FBXO21: variants seen among roughly 807,000 people sequenced by gnomAD.
FBXO21 encodes the protein F-box only protein 21.
In FBXO21, 32 loss-of-function variants were observed where a neutral mutation model predicts 76.6. The observed-to-expected ratio is 0.42, with a 90% CI of 0.32 to 0.56. FBXO21 has a LOEUF of 0.56. Among genes scored for constraint, FBXO21 ranks in the 20% least tolerant of loss-of-function variants. FBXO21 has a pLI of 0.16. For missense variants in FBXO21, 586 were observed against 797.3 expected (o/e 0.73, Z 3.19); for synonymous variants, 328 against 311.5 (o/e 1.05, Z -0.56).
At chr12:117,185,757 A>G (rs970891959) in intron 3 of FBXO21, among the ~76,000 whole-genome samples, 1 of 152,244 alleles carries the variant, frequency 6.6e-6, no homozygotes, top group Admixed American at 6.5e-5. Flanking sequence ...CATCCATTAA[A>G]TTAAGACATG....
At chr12:117,159,263 T>A (rs1208204689) in intron 9 of FBXO21, among the ~76,000 whole-genome samples, 1 of 152,038 alleles carries the variant, frequency 6.6e-6, no homozygotes, top group Non-Finnish European at 1.5e-5. Flanking sequence ...ATCCTTCCCA[T>A]TTGAAGGTCA....
At chr12:117,153,863 A>G (rs533447301) in intron 11 of FBXO21, among the ~76,000 whole-genome samples, 2 of 152,334 alleles carry the variant, frequency 1.3e-5, no homozygotes, top group East Asian at 3.9e-4. Context: ...GCAGATATTA[A>G]TTTTTTCAGT....
At chr12:117,181,953 G>A (rs1956238841) in intron 3 of FBXO21, among the ~76,000 whole-genome samples, 1 of 152,094 alleles carries the variant, frequency 6.6e-6, no homozygotes, top group Non-Finnish European at 1.5e-5. Flanking sequence ...GCCTGGCCCA[G>A]TGTATGCCCT....
chr12:117,182,361 A>G (rs143014896), intron 3 of FBXO21, among the ~76,000 whole-genome samples: 6 of 152,172 alleles, frequency 3.9e-5, no homozygotes, highest in Admixed American at 1.3e-4. Context: ...ATGATGGTAC[A>G]TGCCTGTATT....
rs1192066686 is a variant in FBXO21 at position 117,190,226 on chromosome 12, G to A, written c.231C>T (p.Phe77=). The change falls in exon 1 of 12, where the codon TTC becomes TTT. Residue 77 remains phenylalanine, a synonymous_variant. Transcript: ENST00000622495. ...QSSGKVWKEQ[F]RVRWPSLMKH... ...CGGGGCCGCTGGCTCACCTCACCCGGAACTGCTCCTTCCACACCTTCCCGC... is the reference window on the plus strand; with the variant it reads ...CGGGGCCGCTGGCTCACCTCACCCGAAACTGCTCCTTCCACACCTTCCCGC... 6.6e-7 allele frequency: 1 copy of A among 1,520,232 alleles called. No homozygotes were observed. Among genetic ancestry groups the A allele is most frequent in the Non-Finnish European group, 8.7e-7 (1 of 1,143,234 alleles). 94.2% of individuals were successfully genotyped at this position (1,520,232 alleles called of 1,614,324 possible).
At chr12:117,173,446 A>G (rs749204618) in intron 6 of FBXO21, among the ~76,000 whole-genome samples, 1 of 152,230 alleles carries the variant, frequency 6.6e-6, no homozygotes, top group African/African-American at 2.4e-5. Flanking sequence ...TGTGTACGAT[A>G]TAACAAAATA....
chr12:117,188,713 G>A (rs891482036), intron 2 of FBXO21: 1 of 150,874 alleles, frequency 6.6e-6, no homozygotes, highest in Non-Finnish European at 1.5e-5. Context: ...ATTCATTTCA[G>A]GGAGTAATAA....
At chr12:117,169,543 T>C (rs1956095984) in intron 7 of FBXO21, among the ~76,000 whole-genome samples, 1 of 151,850 alleles carries the variant, frequency 6.6e-6, no homozygotes, top group Non-Finnish European at 1.5e-5. Flanking sequence ...ATCATATGAG[T>C]AGACACAGAA....
intron 9 of FBXO21, among the ~76,000 whole-genome samples, chr12:117,163,324 G>A (rs777717869): frequency 3.3e-5 from 5 of 152,190 alleles, no homozygotes; most frequent in Non-Finnish European, 7.4e-5. Flanking sequence ...CTTGAGGTCA[G>A]GAGTTCAAGA....
intron 11 of FBXO21, among the ~76,000 whole-genome samples, chr12:117,150,100 T>C (rs1306956460): frequency 6.6e-6 from 1 of 152,176 alleles, no homozygotes; most frequent in Non-Finnish European, 1.5e-5. Flanking sequence ...ATAATGAAGT[T>C]GGCAACTATG....
intron 9 of FBXO21, among the ~76,000 whole-genome samples, chr12:117,160,822 C>G (rs1444770444): frequency 6.6e-6 from 1 of 152,098 alleles, no homozygotes; most frequent in East Asian, 1.9e-4. Flanking sequence ...TTGGTAGAGA[C>G]CGGGTTTTGT....
At chr12:117,146,548 A>G (rs1244513752) in intron 11 of FBXO21, among the ~76,000 whole-genome samples, 1 of 152,230 alleles carries the variant, frequency 6.6e-6, no homozygotes, top group Non-Finnish European at 1.5e-5. Context: ...GGCTCCAGCA[A>G]AACTCCAAAG....
intron 11 of FBXO21, among the ~76,000 whole-genome samples, chr12:117,152,866 G>A (rs1235259865): frequency 1.3e-5 from 2 of 152,108 alleles, no homozygotes; most frequent in African/African-American, 4.8e-5. Context: ...ATTTACTGTT[G>A]AATTGACTAG....
At chr12:117,187,385 A>G (rs1246578855) in intron 2 of FBXO21, among the ~76,000 whole-genome samples, 1 of 136,636 alleles carries the variant, frequency 7.3e-6, no homozygotes, top group Non-Finnish European at 1.5e-5. Flanking sequence ...ACACCATTGC[A>G]CTCCAGCCTG....
chr12:117,147,300 A>AAG (rs1036835681), intron 11 of FBXO21, among the ~76,000 whole-genome samples: 2 of 116,966 alleles, frequency 1.7e-5, no homozygotes, highest in African/African-American at 5.4e-5. Flanking sequence ...GAAAAAAAAA[A>AAG]AAAAAAAGAA....
Position 117,146,105 on chromosome 12 carries a change from T to G in FBXO21, c.1848A>C (p.Lys616Asn). 6.2e-7 allele frequency: 1 copy of G among 1,604,296 alleles called. No homozygotes were observed. Among genetic ancestry groups the G allele is most frequent in the East Asian group, 2.2e-5 (1 of 44,812 alleles). ...ETVQNIYSAK[K>N]ENIDE ...CTAGACTTTACTCATCTATGTTCTC[T>G]TTCTTTGCACTGTAAATATTCTGCA... The change falls in exon 12 of 12, where the codon AAA (lysine) becomes AAC (asparagine). Residue 616 changes from lysine to asparagine, a missense_variant. By Grantham distance (94) the Lys-to-Asn change is moderately conservative. Transcript: ENST00000622495.
intron 9 of FBXO21, among the ~76,000 whole-genome samples, chr12:117,159,454 A>G (rs1163083483): frequency 6.6e-6 from 1 of 152,192 alleles, no homozygotes; most frequent in Non-Finnish European, 1.5e-5. Flanking sequence ...GGTCTCAACC[A>G]GTGTCATATC....
intron 3 of FBXO21, 46 bp downstream of exon 3, chr12:117,186,431 C>T (rs1436320111): frequency 7.9e-7 from 1 of 1,268,574 alleles, no homozygotes; most frequent in South Asian, 1.2e-5. Context: ...GCAATTTACT[C>T]TGGACTTATT....
chr12:117,143,076 GATA>G lies in FBXO21; in HGVS notation c.*3008_*3010del, dbSNP rs1261887868. On this transcript the variant is annotated 3_prime_UTR_variant, in exon 12 of 12. Coordinates refer to ENST00000622495, the MANE Select transcript of FBXO21 (RefSeq NM_015002.3). ...CGGCCTTTCAAAATCTGATTAGGTGGATAATGTTTGCAAACATGACGCCTGGCA... is the reference window on the plus strand; with the variant it reads ...CGGCCTTTCAAAATCTGATTAGGTGGATGTTTGCAAACATGACGCCTGGCA... 6.6e-6 allele frequency: 1 copy of G among 152,214 alleles called. No homozygotes were observed. The highest frequency in any genetic ancestry group is 1.5e-5 in the Non-Finnish European group (1 of 68,038). 9.4% of individuals were successfully genotyped at this position (152,214 alleles called of 1,614,324 possible).
Sources: allele counts gnomAD v4.1 joint callset (sites outside exome capture counted in the v4.1 genomes callset), GRCh38; gene constraint gnomAD v4.1.1; transcripts MANE v1.5; gene names NCBI Gene and HGNC (gene_info 2026-07-23, HGNC 2026-07-21).